Variants in LATS2 observed in about 807,000 individuals in gnomAD.
LATS2 encodes large tumor suppressor kinase 2, also known as serine/threonine-protein kinase LATS2.
A neutral mutation model predicts 76.0 loss-of-function variants in LATS2; 24 were observed. That is an observed-to-expected ratio of 0.32 (90% confidence interval 0.23 to 0.44). The LOEUF is 0.44. Among genes scored for constraint, LATS2 ranks in the 20% least tolerant of loss-of-function variants. The pLI is 1.00. For synonymous variants in LATS2, 692 were observed against 635.4 expected (o/e 1.09, Z -1.34); for missense variants, 1,286 against 1,481.2 (o/e 0.87, Z 2.16).
chr13:21,017,616 C>A (rs960415902), intron 2 of LATS2, among the ~76,000 whole-genome samples: 10 of 118,112 alleles, frequency 8.5e-5, no homozygotes, highest in African/African-American at 3.0e-4. Context: ...AAAGATGACT[C>A]ATTTCTTTCT....
intron 2 of LATS2, among the ~76,000 whole-genome samples, chr13:21,012,482 C>G (rs184767678): frequency 2.6e-5 from 4 of 152,362 alleles, no homozygotes; most frequent in Admixed American, 2.6e-4. Context: ...ATGGGACCAT[C>G]ATCATACATG....
intron 1 of LATS2, among the ~76,000 whole-genome samples, chr13:21,049,927 C>A (rs1009501771): frequency 6.6e-6 from 1 of 152,002 alleles, no homozygotes; most frequent in Non-Finnish European, 1.5e-5. Context: ...TTGAGACCAG[C>A]CTGGCCAACA....
intron 1 of LATS2, among the ~76,000 whole-genome samples, chr13:21,047,961 CCCT>C (rs1873131989): frequency 3.9e-5 from 6 of 152,164 alleles, no homozygotes; most frequent in African/African-American, 1.4e-4. Flanking sequence ...AACATGAAAT[CCCT>C]ATTTTAATAC....
intron 1 of LATS2, among the ~76,000 whole-genome samples, chr13:21,048,603 G>T (rs940639761): frequency 2.0e-5 from 3 of 152,086 alleles, no homozygotes. Flanking sequence ...AGGTCAAGGC[G>T]GGCGGATCAT....
rs1379804936 is a variant in LATS2, at chr13:20,988,353, G to T, written c.1427C>A (p.Ala476Asp). Reference sequence around the variant, plus strand: ...CAAGCCCTCCGCAGCCGGGGCGGGGGCGGGGGCGGGGGCCGGGGCAGGCGC... The same window carrying T: ...CAAGCCCTCCGCAGCCGGGGCGGGGTCGGGGGCGGGGGCCGGGGCAGGCGC... ...VPAPAPAPAP[A>D]PAPAAEGLDA... Residue 476 changes from alanine (A) to aspartate (D), a missense_variant, in exon 4 of 8, where the codon GCC (alanine) becomes GAC (aspartate). By Grantham distance (126) the Ala-to-Asp change is moderately radical. Around this residue, in one of 5 missense-constraint regions of LATS2, gnomAD observed 710 missense variants for 660.9 expected, o/e 1.07. Coordinates refer to ENST00000382592, the MANE Select transcript of LATS2 (RefSeq NM_014572.3). The T allele has an allele frequency of 1.5e-6, 2 of 1,368,860 alleles. No individual in the cohort carries two copies. Among genetic ancestry groups the T allele is most frequent in the Non-Finnish European group, 1.9e-6 (2 of 1,069,802 alleles). The allele number at this position is 1,368,860 out of a possible 1,614,324, so 84.8% of individuals were successfully genotyped here. A position where few individuals can be genotyped will look rare whatever the true frequency, so the allele number is the denominator to read the frequency against.
intron 4 of LATS2, among the ~76,000 whole-genome samples, chr13:20,984,167 C>G (rs1870039617): frequency 6.6e-6 from 1 of 152,232 alleles, no homozygotes; most frequent in Admixed American, 6.5e-5. Flanking sequence ...CTCCTGACCT[C>G]AGGTGATCTG....
At chr13:21,004,434 C>CA (rs11423103) in intron 2 of LATS2, among the ~76,000 whole-genome samples, 49,464 of 108,140 alleles carry the variant, frequency 0.46, 9,516 homozygotes, top group East Asian at 0.66. Flanking sequence ...AACACTGTCT[C>CA]AAAAAAAAAA....
chr13:20,987,340 CTG>C (rs1870201437), intron 4 of LATS2, among the ~76,000 whole-genome samples: 2 of 149,194 alleles, frequency 1.3e-5, no homozygotes, highest in Admixed American at 1.3e-4. Flanking sequence ...TGATTTAAAT[CTG>C]TTACATTTTA....
chr13:20,997,177 G>C lies in LATS2; in HGVS notation c.343-5773C>G, dbSNP rs190079259. On this transcript the variant is annotated intron_variant, in intron 2 of 7. Transcript: ENST00000382592. ...GGCAAGACAAACTGAGGTTTCACTG[G>C]TTTACTGCTGCTACTGACAGCTCTT... 3.7e-4 allele frequency among the ~76,000 whole-genome samples: 56 copies of C among 152,332 alleles called. 3 individuals carry two copies. Among genetic ancestry groups the C allele is most frequent in the Admixed American group, 3.6e-3 (55 of 15,302 alleles).
At chr13:21,028,721 C>T (rs1174470983) in intron 2 of LATS2, among the ~76,000 whole-genome samples, 2 of 152,186 alleles carry the variant, frequency 1.3e-5, no homozygotes, top group Non-Finnish European at 2.9e-5. Flanking sequence ...CAGGCATGCA[C>T]CACCACGCCC....
At position 21,045,911 on chromosome 13, in the gene LATS2, G is replaced by A; in HGVS notation, c.116C>T (p.Ala39Val). 1 of 1,614,182 alleles carries A rather than the reference G, an allele frequency of 6.2e-7. No homozygotes were observed. The highest frequency in any genetic ancestry group is 8.5e-7 in the Non-Finnish European group (1 of 1,180,036). Residue 39 changes from alanine (A) to valine (V), a missense_variant, in exon 2 of 8, where the codon GCA becomes GTA. Around this residue, in one of 5 missense-constraint regions of LATS2, gnomAD observed 101 missense variants for 141.4 expected, o/e 0.71. Transcript: ENST00000382592. ...PSKSSVQGLP[A>V]GPNSDTSLDA... Reference sequence around the variant, plus strand: ...CAGGGAAGTGTCACTGTTTGGTCCTGCGGGTAGCCCCTGAACCGAAGACTT... The same window carrying A: ...CAGGGAAGTGTCACTGTTTGGTCCTACGGGTAGCCCCTGAACCGAAGACTT...
At chr13:21,056,156 G>A (rs1384171412) in intron 1 of LATS2, among the ~76,000 whole-genome samples, 1 of 152,090 alleles carries the variant, frequency 6.6e-6, no homozygotes, top group African/African-American at 2.4e-5. Context: ...TGGTGGGGGG[G>A]GCAGGGTCTC....
chr13:21,036,788 AC>A (rs1170421967), intron 2 of LATS2, among the ~76,000 whole-genome samples: 23 of 151,834 alleles, frequency 1.5e-4, no homozygotes, highest in Non-Finnish European at 2.9e-5. Context: ...AACAACAACA[AC>A]AACAAAAAAC....
chr13:20,982,686 G>C (rs1358905202), intron 5 of LATS2, among the ~76,000 whole-genome samples: 7 of 152,008 alleles, frequency 4.6e-5, no homozygotes, highest in Admixed American at 4.6e-4. Context: ...ACACCTTGTA[G>C]CCTACTGTCT....
intron 2 of LATS2, among the ~76,000 whole-genome samples, chr13:21,041,219 G>A (rs1343550218): frequency 3.3e-5 from 5 of 152,018 alleles, no homozygotes; most frequent in African/African-American, 9.7e-5. Context: ...TGATCTGCCC[G>A]CCTTGGCCTC....
At position 21,006,712 on chromosome 13, in the gene LATS2, T is replaced by A. The variant is rs145596116; in HGVS notation, c.343-15308A>T. The stretch of plus-strand genomic sequence containing the variant: ...TCAAAAAGATCCACTTACTCGACAA[T>A]GGCACATAGGCGTGCCTCACTGCAC... On this transcript the variant is annotated intron_variant, in intron 2 of 7. Transcript: ENST00000382592. 7.6e-3 allele frequency among the ~76,000 whole-genome samples: 1,151 copies of A among 152,312 alleles called. 9 individuals carry two copies. The highest frequency in any genetic ancestry group is 0.011 in the Non-Finnish European group (729 of 68,034).
Position 20,988,250 on chromosome 13 carries a change from G to C in LATS2, c.1530C>G (p.Asp510Glu), listed in dbSNP as rs1195301405. 2 of 1,601,902 alleles carry C rather than the reference G, an allele frequency of 1.2e-6. No homozygotes were observed. The highest frequency in any genetic ancestry group is 1.7e-6 in the Non-Finnish European group (2 of 1,178,962). ...FPLDVEYGGP[D>E]RRCPPPPYPK... is the part of the protein sequence containing the mutation. The stretch of plus-strand genomic sequence containing the variant: ...GGTAGGGCGGAGGCGGGCACCTCCG[G>C]TCTGGGCCTCCGTACTCCACGTCCA... The change falls in exon 4 of 8, where the codon GAC becomes GAG. Residue 510 changes from aspartate to glutamate, a missense_variant. Asp to Glu is a conservative substitution (Grantham distance 45). Transcript: ENST00000382592.
chr13:20,985,905 G>A lies in LATS2; in HGVS notation c.1899+1976C>T, dbSNP rs945933135. On this transcript the variant is annotated intron_variant, in intron 4 of 7. Coordinates refer to ENST00000382592, the MANE Select transcript of LATS2 (RefSeq NM_014572.3). ...TACAAAAACATAAAACTAGCTGGGC[G>A]TGGTGGTGCATGCCTGTAATCCCAG... Among the ~76,000 whole-genome samples, 8 of 151,998 alleles carry A rather than the reference G, an allele frequency of 5.3e-5. 1 individual carries two copies. The highest frequency in any genetic ancestry group is 1.7e-4 in the African/African-American group (7 of 41,378).
At chr13:20,998,836 C>T (rs535671297) in intron 2 of LATS2, among the ~76,000 whole-genome samples, 1 of 152,302 alleles carries the variant, frequency 6.6e-6, no homozygotes, top group East Asian at 1.9e-4. Flanking sequence ...CGACATTGTG[C>T]ACGCCGGGTG....
Sources: gnomAD v4.1 joint callset for allele counts (sites outside exome capture counted in the v4.1 genomes callset) on GRCh38, gnomAD v4.1.1 for gene constraint, gnomAD v4.1.1 regional missense constraint, MANE v1.5 for transcripts, NCBI Gene and HGNC (gene_info 2026-07-23, HGNC 2026-07-21) for gene names.